SF3B3: variants seen among roughly 807,000 people sequenced by gnomAD.
SF3B3 encodes splicing factor 3b subunit 3.
In SF3B3, 33 loss-of-function variants were observed where a neutral mutation model predicts 139.2. The observed-to-expected ratio is 0.24, with a 90% CI of 0.18 to 0.32. The LOEUF (loss-of-function observed/expected upper bound fraction) is 0.32, where lower values mean the gene tolerates loss of function less well. SF3B3 is among the 10% of genes least tolerant of loss of function. The pLI, the probability that SF3B3 is intolerant of heterozygous loss-of-function variation, is 1.00. For missense variants in SF3B3, 818 were observed against 1,509.4 expected (o/e 0.54, Z 7.59); for synonymous variants, 596 against 563.6 (o/e 1.06, Z -0.81).
chr16:70,571,918 A>G lies in SF3B3; in HGVS notation c.*105A>G, dbSNP rs543923328. 7.5e-7 allele frequency: 1 copy of G among 1,329,370 alleles called. No homozygotes were observed. The highest frequency in any genetic ancestry group is 2.3e-5 in the East Asian group (1 of 43,246). The allele number at this position is 1,329,370 out of a possible 1,614,324, so 82.3% of individuals were successfully genotyped here. ...CATGTGGCAGGAGGGTGACTGGATA[A>G]TTAAGACTGCATTATGAAAGTCAAC... On this transcript the variant is annotated 3_prime_UTR_variant, in exon 26 of 26. Transcript: ENST00000302516.
chr16:70,576,576 A>C lies in SF3B3; in HGVS notation c.*4763A>C, dbSNP rs2050582724. Reference sequence around the variant, plus strand: ...CTAGTAACACGTGATGGTCAAGGGAAGTACTACCATTTCCTGTGGGTTATT... The same window carrying C: ...CTAGTAACACGTGATGGTCAAGGGACGTACTACCATTTCCTGTGGGTTATT... On this transcript the variant is annotated 3_prime_UTR_variant, in exon 26 of 26. Transcript: ENST00000302516. The C allele has an allele frequency of 6.6e-6, 1 of 152,186 alleles. No individual in the cohort carries two copies. The highest frequency in any genetic ancestry group is 2.4e-5 in the African/African-American group (1 of 41,450). The allele number at this position is 152,186 out of a possible 1,614,324, so 9.4% of individuals were successfully genotyped here.
At chr16:70,537,391 C>T (rs2050178806) in intron 6 of SF3B3, among the ~76,000 whole-genome samples, 1 of 151,950 alleles carries the variant, frequency 6.6e-6, no homozygotes, top group Non-Finnish European at 1.5e-5. Context: ...AATGAATATC[C>T]CTCTTCCTGA....
intron 21 of SF3B3, 127 bp downstream of exon 21, chr16:70,567,663 G>C: frequency 8.6e-7 from 1 of 1,164,122 alleles, no homozygotes; most frequent in Non-Finnish European, 1.2e-6. Flanking sequence ...CCCAATTCCA[G>C]CTTCAGAATT....
intron 9 of SF3B3, among the ~76,000 whole-genome samples, chr16:70,542,541 T>TAG (rs1377656318): frequency 1.3e-5 from 2 of 152,168 alleles, no homozygotes; most frequent in Non-Finnish European, 2.9e-5. Flanking sequence ...ACCACCTGTG[T>TAG]AGTTGATCAC....
rs745413657 is a variant in SF3B3 at position 70,565,374 on chromosome 16, T to C, written c.2676T>C (p.Ala892=). 2 of 1,614,176 alleles carry C rather than the reference T, an allele frequency of 1.2e-6. No homozygotes were observed. The highest frequency in any genetic ancestry group is 2.2e-5 in the East Asian group (1 of 44,888). The change falls in exon 20 of 26, where the codon GCT becomes GCC. Residue 892 remains alanine (A), a synonymous_variant. Transcript: ENST00000302516. ...LEQNEAAFSV[A]VCRFSNTGED... is the part of the protein sequence containing the mutation. ...CTTCTTATTCTGTGTGTAGTGTGGC[T>C]GTGTGCAGGTTTTCCAACACTGGTG... is the stretch of plus-strand genomic sequence containing the variant.
chr16:70,547,851 A>G (rs1364612753), intron 10 of SF3B3, among the ~76,000 whole-genome samples: 1 of 152,094 alleles, frequency 6.6e-6, no homozygotes, highest in Non-Finnish European at 1.5e-5. Flanking sequence ...CGGCATCCCA[A>G]AGTGCTGGGA....
In SF3B3 at chr16:70,557,075, C is replaced by T. The variant is rs181420438; in HGVS notation, c.2010+46C>T. 7.8e-6 allele frequency: 12 copies of T among 1,532,752 alleles called. No homozygotes were observed. The Admixed American group carries it at 1.3e-4, about 17-fold the overall frequency. The allele number at this position is 1,532,752 out of a possible 1,614,324, so 94.9% of individuals were successfully genotyped here. A position where few individuals can be genotyped will look rare whatever the true frequency, so the allele number is the denominator to read the frequency against. ...CATTGTGGACATTAGGCCTTCTGTA[C>T]GTTTCACACACTCCTTTGTTTGATA... On this transcript the variant is annotated intron_variant, in intron 15 of 25. Transcript: ENST00000302516.
At chr16:70,556,686 G>A (rs1032890531) in intron 14 of SF3B3, 200 bp from the exon 15 acceptor site, 4 of 629,826 alleles carry the variant, frequency 6.4e-6, no homozygotes, top group Non-Finnish European at 1.1e-5. Context: ...TTTGACAAAA[G>A]GAGGAAAGCA....
rs1403384955 is a variant in SF3B3, at chr16:70,528,987, T to C, written c.185T>C (p.Ile62Thr). The C allele has an allele frequency of 2.5e-6, 4 of 1,614,096 alleles. No individual in the cohort carries two copies. Among genetic ancestry groups the C allele is most frequent in the South Asian group, 1.1e-5 (1 of 91,086 alleles). ...CTCACTGTGGAAGTATTCGGTGTTATCCGGTCACTCATGGCCTTTAGGCTG... is the reference window on the plus strand; with the variant it reads ...CTCACTGTGGAAGTATTCGGTGTTACCCGGTCACTCATGGCCTTTAGGCTG... ...TLLTVEVFGVIRSLMAFRLTG... is the reference protein window; with the variant it reads ...TLLTVEVFGVTRSLMAFRLTG... The change falls in exon 3 of 26, where the codon ATC becomes ACC. Residue 62 changes from isoleucine to threonine, a missense_variant. By Grantham distance (89) the Ile-to-Thr change is moderately conservative. Around this residue, in one of 14 missense-constraint regions of SF3B3, gnomAD observed 144 missense variants for 259.2 expected, o/e 0.56. Coordinates refer to ENST00000302516, the MANE Select transcript of SF3B3 (RefSeq NM_012426.5).
intron 20 of SF3B3, among the ~76,000 whole-genome samples, chr16:70,566,048 C>T (rs1262708705): frequency 1.5e-4 from 23 of 150,698 alleles, no homozygotes; most frequent in African/African-American, 3.4e-4. Context: ...ACCCGGGAGG[C>T]GGAGGTTGCA....
chr16:70,525,457 G>T (rs965323294), intron 1 of SF3B3, among the ~76,000 whole-genome samples: 1 of 152,170 alleles, frequency 6.6e-6, no homozygotes, highest in African/African-American at 2.4e-5. Context: ...CCAAAGGTTT[G>T]TAATGGATTG....
At chr16:70,534,731 C>T (rs140774018) in intron 5 of SF3B3, among the ~76,000 whole-genome samples, 4,816 of 152,242 alleles carry the variant, frequency 0.032, 285 homozygotes, top group African/African-American at 0.11. Flanking sequence ...CACAGTGGCA[C>T]GATCTTGGCT....
chr16:70,547,819 A>C (rs571724856), intron 10 of SF3B3, among the ~76,000 whole-genome samples: 1 of 152,164 alleles, frequency 6.6e-6, no homozygotes, highest in East Asian at 1.9e-4. Flanking sequence ...TGAACTCCTG[A>C]CCTAAGGCAA....
chr16:70,571,150 T>C lies in SF3B3; in HGVS notation c.3464T>C (p.Leu1155Pro), dbSNP rs1198421773. ...CACCTGCGGTCTGAACATCCCCCTC[T>C]CTGTGGGCGGGACCACCTCAGCTTT... ...EMHLRSEHPP[L>P]CGRDHLSFRS... Residue 1155 changes from leucine (L) to proline (P), a missense_variant, in exon 25 of 26, where the codon CTC becomes CCC. Physicochemically the swap from Leu to Pro is moderately conservative, Grantham distance 98 (BLOSUM62 -3). Transcript: ENST00000302516. 3.7e-6 allele frequency: 6 copies of C among 1,613,974 alleles called. No individual in the cohort carries two copies. The highest frequency in any genetic ancestry group is 5.1e-6 in the Non-Finnish European group (6 of 1,179,978).
At chr16:70,562,339 G>T (rs915904925) in intron 17 of SF3B3, among the ~76,000 whole-genome samples, 1 of 152,194 alleles carries the variant, frequency 6.6e-6, no homozygotes, top group Non-Finnish European at 1.5e-5. Flanking sequence ...AGCCACCAAA[G>T]TTGTTCACAT....
At position 70,554,489 on chromosome 16, in the gene SF3B3, C is replaced by T. The variant is rs1232890735; in HGVS notation, c.1446C>T (p.Thr482=). 3.1e-6 allele frequency: 5 copies of T among 1,614,056 alleles called. No individual in the cohort carries two copies. Among genetic ancestry groups the T allele is most frequent in the Non-Finnish European group, 4.2e-6 (5 of 1,179,958 alleles). ...AYIIVSFVNA[T]LVLSIGETVE... ...TCATTGTGTCTTTCGTGAATGCCAC[C>T]CTAGTGTTGTCCATTGGAGAAACTG... is the stretch of plus-strand genomic sequence containing the variant. The change falls in exon 12 of 26, where the codon ACC becomes ACT. Residue 482 remains threonine (T), a synonymous_variant. Transcript: ENST00000302516.
rs1484823619 is a variant in SF3B3, at chr16:70,539,087, GT to G, written c.964-14del. Reference sequence around the variant, plus strand: ...CTTCACTTTGTTTGTACACCAGAATGTTTCTTTTCTCACCAGGTTACTGAGA... The same window carrying G: ...CTTCACTTTGTTTGTACACCAGAATGTTCTTTTCTCACCAGGTTACTGAGA... On this transcript the variant is annotated splice_polypyrimidine_tract_variant and intron_variant, in intron 7 of 25. Transcript: ENST00000302516. 5.1e-6 allele frequency: 8 copies of G among 1,575,132 alleles called. No homozygotes were observed. Among genetic ancestry groups the G allele is most frequent in the Non-Finnish European group, 7.0e-6 (8 of 1,144,608 alleles).
At chr16:70,541,626 G>C (rs2050219804) in intron 8 of SF3B3, 43 bp from the exon 9 acceptor site, 1 of 1,541,792 alleles carries the variant, frequency 6.5e-7, no homozygotes, top group African/African-American at 1.4e-5. Flanking sequence ...TCGTCAGGCA[G>C]AGAACTCGTT....
Position 70,541,665 on chromosome 16 carries a change from C to G in SF3B3, c.1068-4C>G. 1 of 1,612,338 alleles carries G rather than the reference C, an allele frequency of 6.2e-7. No individual in the cohort carries two copies. Among genetic ancestry groups the G allele is most frequent in the Non-Finnish European group, 8.5e-7 (1 of 1,178,828 alleles). The stretch of plus-strand genomic sequence containing the variant: ...GAAAGTTTCTCTCCTCTGCTTCTTC[C>G]CAGTTACTTATATCAAATTGCACAT... On this transcript the variant is annotated splice_region_variant and splice_polypyrimidine_tract_variant and intron_variant, in intron 8 of 25. Coordinates refer to ENST00000302516, the MANE Select transcript of SF3B3 (RefSeq NM_012426.5).
Sources: allele counts gnomAD v4.1 joint callset (sites outside exome capture counted in the v4.1 genomes callset), GRCh38; gene constraint gnomAD v4.1.1; regional missense constraint gnomAD v4.1.1; transcripts MANE v1.5; gene names NCBI Gene and HGNC (gene_info 2026-07-23, HGNC 2026-07-21).